Variants in PPP1R14C observed in about 807,000 individuals in gnomAD.
PPP1R14C encodes the protein protein phosphatase 1 regulatory inhibitor subunit 14C, also known as protein phosphatase 1 regulatory subunit 14C.
In PPP1R14C, 16 loss-of-function variants were observed where a neutral mutation model predicts 20.4. The observed-to-expected ratio is 0.78, with a 90% confidence interval of 0.53 to 1.19. The LOEUF (loss-of-function observed/expected upper bound fraction) is 1.19, where lower values mean the gene tolerates loss of function less well. Among genes scored for constraint, PPP1R14C ranks in the 50% most tolerant of loss-of-function variants. PPP1R14C has a pLI of 0.00. For missense variants in PPP1R14C, 211 were observed against 220.1 expected (o/e 0.96, Z 0.26); for synonymous variants, 91 against 91.0 (o/e 1.00, Z 0.00).
intron 1 of PPP1R14C, among the ~76,000 whole-genome samples, chr6:150,145,729 A>G (rs974589435): frequency 4.6e-5 from 7 of 152,226 alleles, no homozygotes; most frequent in Admixed American, 3.9e-4. Context: ...AAGATTAGGA[A>G]ATGTCCTTTT....
chr6:150,164,035 G>A lies in PPP1R14C; in HGVS notation c.306+20537G>A, dbSNP rs140804015. On this transcript the variant is annotated intron_variant, in intron 1 of 3. Coordinates refer to ENST00000361131, the MANE Select transcript of PPP1R14C (RefSeq NM_030949.3). ...CTGATTGTTTCCCATCCTTACCTACGCTTGTTATTTTCTGACTTTTTCATT... is the reference window on the plus strand; with the variant it reads ...CTGATTGTTTCCCATCCTTACCTACACTTGTTATTTTCTGACTTTTTCATT... Among the ~76,000 whole-genome samples, 764 of 152,174 alleles carry A rather than the reference G, an allele frequency of 5.0e-3. 5 individuals carry two copies. Among genetic ancestry groups the A allele is most frequent in the African/African-American group, 0.018 (728 of 41,508 alleles).
intron 1 of PPP1R14C, among the ~76,000 whole-genome samples, chr6:150,181,685 T>C (rs929252087): frequency 5.3e-5 from 8 of 152,232 alleles, no homozygotes; most frequent in African/African-American, 1.9e-4. Flanking sequence ...GTAAGATGCC[T>C]TTGTCCTTCC....
At chr6:150,158,953 C>A (rs1163198650) in intron 1 of PPP1R14C, among the ~76,000 whole-genome samples, 1 of 152,188 alleles carries the variant, frequency 6.6e-6, no homozygotes, top group African/African-American at 2.4e-5. Context: ...TTGGATAGAA[C>A]ACATGGCACT....
chr6:150,214,663 G>C, intron 1 of PPP1R14C, 81 bp from the exon 2 acceptor site: 1 of 993,816 alleles, frequency 1.0e-6, no homozygotes, highest in East Asian at 2.5e-5. Flanking sequence ...CTAGTTGTTT[G>C]TTCAACTTAA....
At chr6:150,170,778 CTT>C (rs59562721) in intron 1 of PPP1R14C, among the ~76,000 whole-genome samples, 16 of 131,266 alleles carry the variant, frequency 1.2e-4, no homozygotes, top group Non-Finnish European at 1.6e-4. Flanking sequence ...CAGTACGACT[CTT>C]TTTTTTTTTT....
rs1032722018 is a variant in PPP1R14C, at chr6:150,143,142, G to A, written c.-51G>A. 1.7e-6 allele frequency: 2 copies of A among 1,194,496 alleles called. No individual in the cohort carries two copies. Among genetic ancestry groups the A allele is most frequent in the East Asian group, 3.8e-5 (1 of 26,456 alleles). 74.0% of individuals were successfully genotyped at this position (1,194,496 alleles called of 1,614,324 possible). On this transcript the variant is annotated 5_prime_UTR_variant, in exon 1 of 4. Coordinates refer to ENST00000361131, the MANE Select transcript of PPP1R14C (RefSeq NM_030949.3). The surrounding 1 kb of genome is among the most constrained non-coding windows in gnomAD (Gnocchi z 5.6). ...CGGAGGTGGTAGCGGCGCCGGGCGC[G>A]CTCCGCCCGCCCCTCCTCCGGGCCG...
At chr6:150,158,941 C>T (rs999627692) in intron 1 of PPP1R14C, among the ~76,000 whole-genome samples, 1 of 152,190 alleles carries the variant, frequency 6.6e-6, no homozygotes, top group Non-Finnish European at 1.5e-5. Context: ...AGCCATAACA[C>T]TTTGGATAGA....
At chr6:150,150,311 T>C (rs1391251295) in intron 1 of PPP1R14C, among the ~76,000 whole-genome samples, 1 of 152,198 alleles carries the variant, frequency 6.6e-6, no homozygotes, top group African/African-American at 2.4e-5. Flanking sequence ...TGGTAGCCAA[T>C]TGACTTTGAA....
chr6:150,149,566 G>A (rs12523780), intron 1 of PPP1R14C, among the ~76,000 whole-genome samples: 47,068 of 148,900 alleles, frequency 0.32, 7,849 homozygotes, highest in Middle Eastern at 0.48. Context: ...CCAAAGTGTT[G>A]GGATTACAGG....
intron 1 of PPP1R14C, among the ~76,000 whole-genome samples, chr6:150,191,196 T>C (rs1777738188): frequency 6.6e-6 from 1 of 152,164 alleles, no homozygotes; most frequent in African/African-American, 2.4e-5. Context: ...CAGTGAACCT[T>C]CCAGGATCAA....
intron 3 of PPP1R14C, among the ~76,000 whole-genome samples, chr6:150,217,851 G>A (rs567018134): frequency 1.3e-5 from 2 of 152,180 alleles, no homozygotes; most frequent in South Asian, 2.1e-4. Context: ...TAATTAAAAG[G>A]GGGGAGGAAA....
At chr6:150,145,795 A>G (rs930480756) in intron 1 of PPP1R14C, among the ~76,000 whole-genome samples, 4 of 152,218 alleles carry the variant, frequency 2.6e-5, no homozygotes, top group Admixed American at 6.5e-5. Flanking sequence ...TGACACAGCC[A>G]ATTTCCCAGC....
chr6:150,195,805 A>G (rs1777797609), intron 1 of PPP1R14C: 1 of 984,078 alleles, frequency 1.0e-6, no homozygotes, highest in African/African-American at 1.7e-5. Flanking sequence ...AAACTGAGAC[A>G]CTGTGCCCAT....
chr6:150,248,393 G>A (rs1354266401), intron 3 of PPP1R14C, among the ~76,000 whole-genome samples: 1 of 152,076 alleles, frequency 6.6e-6, no homozygotes, highest in African/African-American at 2.4e-5. Flanking sequence ...ACCCCAACCT[G>A]GACAGGCTCA....
At chr6:150,157,930 G>A (rs544310166) in intron 1 of PPP1R14C, among the ~76,000 whole-genome samples, 106 of 152,270 alleles carry the variant, frequency 7.0e-4, no homozygotes, top group African/African-American at 2.3e-3. Flanking sequence ...TCCAACGTGC[G>A]TTTCGATGGG....
chr6:150,190,826 T>G (rs1777733270), intron 1 of PPP1R14C, among the ~76,000 whole-genome samples: 1 of 152,138 alleles, frequency 6.6e-6, no homozygotes, highest in South Asian at 2.1e-4. Context: ...TACCACTAAG[T>G]TCTCTTGCTT....
At chr6:150,158,590 A>G (rs904332493) in intron 1 of PPP1R14C, among the ~76,000 whole-genome samples, 9 of 152,252 alleles carry the variant, frequency 5.9e-5, no homozygotes, top group African/African-American at 2.2e-4. Context: ...TGGATGATAC[A>G]TGATAACTAT....
intron 3 of PPP1R14C, among the ~76,000 whole-genome samples, chr6:150,233,458 C>T (rs1376639970): frequency 6.6e-6 from 1 of 152,124 alleles, no homozygotes; most frequent in East Asian, 1.9e-4. Flanking sequence ...CCAAACACTT[C>T]TAATATTAAA....
rs1452390352 is a variant in PPP1R14C at position 150,199,329 on chromosome 6, G to A, written c.307-15415G>A. Among the ~76,000 whole-genome samples the A allele has an allele frequency of 2.0e-5, 3 of 152,308 alleles. No individual in the cohort carries two copies. The East Asian group carries it at 5.8e-4, about 29-fold the overall frequency. ...GGTGTTGAAATTTAATGGCTAAAAT[G>A]ATAATATTAAGAGGTGGCCCTTTAA... On this transcript the variant is annotated intron_variant, in intron 1 of 3. Coordinates refer to ENST00000361131, the MANE Select transcript of PPP1R14C (RefSeq NM_030949.3).
Sources: gnomAD v4.1 joint callset for allele counts (sites outside exome capture counted in the v4.1 genomes callset) on GRCh38, gnomAD v4.1.1 for gene constraint, Gnocchi (gnomAD v3.1) non-coding constraint, MANE v1.5 for transcripts, NCBI Gene and HGNC (gene_info 2026-07-23, HGNC 2026-07-21) for gene names.